Variants in GLIS3 observed in about 807,000 individuals in gnomAD.
The protein encoded by GLIS3 is GLIS family zinc finger 3, also known as zinc finger protein GLIS3.
GLIS3 carries 53 observed loss-of-function variants against 78.6 expected under a neutral mutation model. The ratio of observed to expected loss-of-function variants is 0.67; its 90% CI spans 0.54 to 0.85. The LOEUF (loss-of-function observed/expected upper bound fraction) is 0.85. Ranked by LOEUF, GLIS3 falls within the 40% of genes least tolerant of loss-of-function variation. GLIS3 has a pLI of 0.00. For missense variants in GLIS3, 1,703 were observed against 1,231.1 expected (o/e 1.38, Z -5.74); for synonymous variants, 684 against 509.9 (o/e 1.34, Z -4.60).
rs554488362 is a variant in GLIS3, at chr9:4,195,503, C to T, written c.389-69562G>A. Among the ~76,000 whole-genome samples the T allele has an allele frequency of 3.3e-5, 5 of 152,346 alleles. No homozygotes were observed. In the East Asian group the frequency reaches 5.8e-4, roughly 18 times the overall value. On this transcript the variant is annotated intron_variant, in intron 2 of 10. Coordinates refer to ENST00000381971, the MANE Select transcript of GLIS3 (RefSeq NM_001042413.2). ...ACTGCCGGCCCGCCAGCACCGCGCT[C>T]GAATTCTCGCCGGGCCTCAGCCACC...
At chr9:3,949,977 G>T (rs1234348597) in intron 4 of GLIS3, among the ~76,000 whole-genome samples, 2 of 152,096 alleles carry the variant, frequency 1.3e-5, no homozygotes, top group Non-Finnish European at 2.9e-5. Flanking sequence ...CTACACTGAG[G>T]GCTCACAGGC....
chr9:3,893,791 G>T lies in GLIS3; in HGVS notation c.2128+4900C>A, dbSNP rs76426178. Among the ~76,000 whole-genome samples, 1,490 of 152,344 alleles carry T rather than the reference G, an allele frequency of 9.8e-3. 21 individuals carry two copies. Among genetic ancestry groups the T allele is most frequent in the African/African-American group, 0.031 (1,285 of 41,584 alleles). The stretch of plus-strand genomic sequence containing the variant: ...AATTCAGATTCTTGGGACTCACTCA[G>T]ACCTTCTGAATCAGAAACGCTGGGG... On this transcript the variant is annotated intron_variant, in intron 7 of 10. Transcript: ENST00000381971.
At chr9:4,404,709 A>G in the GLIS3 span, among the ~76,000 whole-genome samples, 1 of 152,150 alleles carries the variant, frequency 6.6e-6, no homozygotes, top group African/African-American at 2.4e-5. Flanking sequence ...CATATGAGAT[A>G]CAGTGAGAGC....
chr9:4,126,306 G>C (rs904151197), intron 2 of GLIS3, among the ~76,000 whole-genome samples: 10 of 152,148 alleles, frequency 6.6e-5, no homozygotes, highest in Admixed American at 3.9e-4. Flanking sequence ...CTAATATCTT[G>C]AATCACCCAG....
chr9:4,163,651 G>A (rs921633948), intron 2 of GLIS3, among the ~76,000 whole-genome samples: 15 of 152,156 alleles, frequency 9.9e-5, no homozygotes, highest in Admixed American at 2.0e-4. Flanking sequence ...TTATATATGC[G>A]GGCCAGTCAT....
the GLIS3 span, among the ~76,000 whole-genome samples, chr9:4,479,436 G>A: frequency 6.6e-6 from 1 of 151,986 alleles, no homozygotes; most frequent in Non-Finnish European, 1.5e-5. Context: ...GCTCAATTAG[G>A]GCTCAGGGCA....
intron 2 of GLIS3, among the ~76,000 whole-genome samples, chr9:4,344,994 C>T (rs562093675): frequency 6.6e-6 from 1 of 152,324 alleles, no homozygotes; most frequent in South Asian, 2.1e-4. Context: ...AGTTACCTGG[C>T]TGGTCTCCAG....
At chr9:4,146,654 G>A (rs7032848) in intron 2 of GLIS3, among the ~76,000 whole-genome samples, 1 of 152,144 alleles carries the variant, frequency 6.6e-6, no homozygotes, top group African/African-American at 2.4e-5. Flanking sequence ...CTGCAGTTAC[G>A]ATCCACTCAG....
At chr9:4,392,344 C>G in the GLIS3 span, among the ~76,000 whole-genome samples, 1 of 152,108 alleles carries the variant, frequency 6.6e-6, no homozygotes, top group Non-Finnish European at 1.5e-5. Context: ...CACCATGGCA[C>G]ACGTTTGCCT....
chr9:4,427,421 C>A, the GLIS3 span, among the ~76,000 whole-genome samples: 4 of 152,292 alleles, frequency 2.6e-5, no homozygotes, highest in East Asian at 7.7e-4. Flanking sequence ...TGCAAAGCAA[C>A]TTCCATCTGA....
intron 2 of GLIS3, among the ~76,000 whole-genome samples, chr9:4,311,392 G>A (rs1817353875): frequency 1.3e-5 from 2 of 152,214 alleles, no homozygotes; most frequent in Admixed American, 1.3e-4. Flanking sequence ...CTAGGTGACA[G>A]AGCAAGACTC....
chr9:4,116,572 A>G (rs1263144754), intron 4 of GLIS3, among the ~76,000 whole-genome samples: 1 of 152,224 alleles, frequency 6.6e-6, no homozygotes, highest in African/African-American at 2.4e-5. Context: ...GAATACTTGC[A>G]TTATAGCTAT....
chr9:4,467,795 G>T, the GLIS3 span, among the ~76,000 whole-genome samples: 1 of 152,090 alleles, frequency 6.6e-6, no homozygotes, highest in Admixed American at 6.5e-5. Context: ...ACTCTGACGA[G>T]TTGAGAGAAG....
the GLIS3 span, among the ~76,000 whole-genome samples, chr9:4,421,986 C>G: frequency 4.3e-4 from 65 of 152,284 alleles, no homozygotes; most frequent in African/African-American, 1.4e-3. Flanking sequence ...ATGCAGGCAA[C>G]AAACCACAGC....
chr9:4,135,875 T>A (rs544170861), intron 2 of GLIS3, among the ~76,000 whole-genome samples: 1 of 152,326 alleles, frequency 6.6e-6, no homozygotes, highest in East Asian at 1.9e-4. Context: ...GCTAGAAACA[T>A]CCTGCATACC....
At chr9:4,215,120 C>A (rs889174280) in intron 2 of GLIS3, among the ~76,000 whole-genome samples, 2 of 152,308 alleles carry the variant, frequency 1.3e-5, no homozygotes, top group Admixed American at 6.5e-5. Context: ...GAAATGCAGT[C>A]TCATGAAGGT....
chr9:4,203,795 T>C (rs1819614287), intron 2 of GLIS3, among the ~76,000 whole-genome samples: 2 of 152,178 alleles, frequency 1.3e-5, no homozygotes, highest in Admixed American at 6.5e-5. Flanking sequence ...AACAAAATCA[T>C]GTCTTTTACA....
At chr9:4,477,315 G>C in the GLIS3 span, among the ~76,000 whole-genome samples, 2 of 121,694 alleles carry the variant, frequency 1.6e-5, no homozygotes, top group Admixed American at 2.3e-4. Context: ...ACTCACAAAA[G>C]AACAAATATT....
chr9:4,480,207 T>TTC, the GLIS3 span, among the ~76,000 whole-genome samples: 1 of 144,190 alleles, frequency 6.9e-6, no homozygotes, highest in African/African-American at 2.6e-5. Context: ...TTTCTTTTTT[T>TTC]TTTTTTTTTT....
Sources: allele counts gnomAD v4.1 joint callset (sites outside exome capture counted in the v4.1 genomes callset), GRCh38; gene constraint gnomAD v4.1.1; transcripts MANE v1.5; gene names NCBI Gene and HGNC (gene_info 2026-07-23, HGNC 2026-07-21).